ARHGAP24: variants seen among roughly 807,000 people sequenced by gnomAD.
ARHGAP24 encodes Rho GTPase activating protein 24.
ARHGAP24 carries 50 observed loss-of-function variants against 76.4 expected under a neutral mutation model. The ratio of observed to expected loss-of-function variants is 0.65; its 90% confidence interval spans 0.52 to 0.83. The LOEUF is 0.83. Among genes scored for constraint, ARHGAP24 ranks in the 40% least tolerant of loss-of-function variants. ARHGAP24 has a pLI of 0.00. For missense variants in ARHGAP24, 930 were observed against 914.2 expected, an observed-to-expected ratio of 1.02 and a Z score of -0.22; for synonymous variants, 345 against 323.3, an observed-to-expected ratio of 1.07 and a Z score of -0.72.
chr4:85,817,927 A>G (rs1231184909), intron 3 of ARHGAP24, among the ~76,000 whole-genome samples: 1 of 152,226 alleles, frequency 6.6e-6, no homozygotes, highest in South Asian at 2.1e-4. Flanking sequence ...ACCACTTACT[A>G]GAAGATACTG....
chr4:85,984,581 G>A (rs1377270393), intron 8 of ARHGAP24, among the ~76,000 whole-genome samples: 1 of 152,082 alleles, frequency 6.6e-6, no homozygotes, highest in Non-Finnish European at 1.5e-5. Flanking sequence ...TATGAATCTT[G>A]TTGGGGACAC....
chr4:85,790,014 T>A (rs1007987142), intron 3 of ARHGAP24, among the ~76,000 whole-genome samples: 1 of 152,046 alleles, frequency 6.6e-6, no homozygotes, highest in African/African-American at 2.4e-5. Flanking sequence ...TACATTACAA[T>A]TTTTTTTATT....
At chr4:85,996,431 T>C (rs1375514846) in intron 9 of ARHGAP24, among the ~76,000 whole-genome samples, 1 of 152,200 alleles carries the variant, frequency 6.6e-6, no homozygotes, top group Non-Finnish European at 1.5e-5. Flanking sequence ...GCTCCTCTAG[T>C]GTTCTCAGTC....
chr4:85,626,941 A>G (rs1720976356), intron 2 of ARHGAP24, among the ~76,000 whole-genome samples: 2 of 151,914 alleles, frequency 1.3e-5, no homozygotes, highest in South Asian at 2.1e-4. Context: ...TCCTTTATGG[A>G]CTTCTCTGCA....
At chr4:85,882,139 A>T (rs1280102168) in intron 3 of ARHGAP24, among the ~76,000 whole-genome samples, 1 of 144,534 alleles carries the variant, frequency 6.9e-6, no homozygotes, top group East Asian at 2.1e-4. Flanking sequence ...TTCCAACTCT[A>T]TGGTTGGGTT....
chr4:85,831,667 C>G (rs1475532510), intron 3 of ARHGAP24, among the ~76,000 whole-genome samples: 3 of 152,006 alleles, frequency 2.0e-5, no homozygotes, highest in Non-Finnish European at 2.9e-5. Flanking sequence ...TTTGGGAGGC[C>G]AGGGTGGGAG....
intron 5 of ARHGAP24, among the ~76,000 whole-genome samples, chr4:85,961,843 G>A (rs1217659257): frequency 2.0e-5 from 3 of 151,916 alleles, no homozygotes; most frequent in Non-Finnish European, 2.9e-5. Context: ...TGAAAACACC[G>A]ATAATACTTC....
Position 85,644,308 on chromosome 4 carries a change from A to G in ARHGAP24, c.180+73587A>G, listed in dbSNP as rs78984143. Among the ~76,000 whole-genome samples, 1,065 of 152,288 alleles carry G rather than the reference A, an allele frequency of 7.0e-3. 14 individuals are homozygous for G. The highest frequency in any genetic ancestry group is 0.024 in the African/African-American group (1,015 of 41,584). The stretch of plus-strand genomic sequence containing the variant: ...ACTTGGAGGGAGGCAGCTTTGTTTC[A>G]TGAAAAGAACATCACATTGGTTTTA... On this transcript the variant is annotated intron_variant, in intron 2 of 9. Coordinates refer to ENST00000395184, the MANE Select transcript of ARHGAP24 (RefSeq NM_001025616.3).
Position 85,671,619 on chromosome 4 carries a change from A to G in ARHGAP24, c.181-50266A>G, listed in dbSNP as rs144618455. ...TTGGAGCTATGAGCACAGGCCTTCC[A>G]TTTCTGTTAAGAATATGCTTCTTTT... On this transcript the variant is annotated intron_variant, in intron 2 of 9. Transcript: ENST00000395184. Among the ~76,000 whole-genome samples the G allele has an allele frequency of 1.5e-3, 224 of 152,286 alleles. 1 individual carries two copies. Among genetic ancestry groups the G allele is most frequent in the African/African-American group, 4.9e-3 (205 of 41,560 alleles).
intron 3 of ARHGAP24, among the ~76,000 whole-genome samples, chr4:85,837,513 C>G (rs10018270): frequency 0.011 from 1,679 of 151,654 alleles, 29 homozygotes; most frequent in African/African-American, 0.038. Context: ...GAAGACAAAT[C>G]GAAAGAGAAA....
intron 8 of ARHGAP24, among the ~76,000 whole-genome samples, chr4:85,992,979 G>T (rs963046377): frequency 6.6e-6 from 1 of 151,946 alleles, no homozygotes; most frequent in Admixed American, 6.6e-5. Flanking sequence ...ACTAAATATT[G>T]CATTTCACCT....
chr4:85,624,363 G>A (rs927524664), intron 2 of ARHGAP24, among the ~76,000 whole-genome samples: 2 of 151,978 alleles, frequency 1.3e-5, no homozygotes, highest in Non-Finnish European at 2.9e-5. Context: ...TTTATCTTTG[G>A]TTCTGTTTAT....
intron 3 of ARHGAP24, among the ~76,000 whole-genome samples, chr4:85,773,003 C>T (rs17010842): frequency 0.065 from 9,958 of 152,184 alleles, 1,089 homozygotes; most frequent in African/African-American, 0.23. Flanking sequence ...GCCTCAGTTT[C>T]CTCGTCTGCA....
chr4:85,997,282 A>ATAGGTAGG (rs745600115), intron 9 of ARHGAP24, among the ~76,000 whole-genome samples: 2 of 151,630 alleles, frequency 1.3e-5, no homozygotes, highest in Non-Finnish European at 2.9e-5. Context: ...AGGTAGGTAA[A>ATAGGTAGG]TAGGTAGGTA....
At chr4:85,872,257 G>A (rs72970062) in intron 3 of ARHGAP24, among the ~76,000 whole-genome samples, 3,979 of 151,308 alleles carry the variant, frequency 0.026, 158 homozygotes, top group African/African-American at 0.085. Flanking sequence ...ATCAATCAAC[G>A]CGTTGATATA....
At chr4:85,910,392 G>C (rs371819029) in intron 3 of ARHGAP24, among the ~76,000 whole-genome samples, 1 of 152,128 alleles carries the variant, frequency 6.6e-6, no homozygotes, top group Admixed American at 6.5e-5. Flanking sequence ...CTTGTCCTGC[G>C]ACCAAGAACT....
chr4:85,846,489 A>G (rs1730892853), intron 3 of ARHGAP24, among the ~76,000 whole-genome samples: 1 of 152,228 alleles, frequency 6.6e-6, no homozygotes, highest in Admixed American at 6.5e-5. Flanking sequence ...TACAGCATAA[A>G]TAACCCACTA....
intron 4 of ARHGAP24, among the ~76,000 whole-genome samples, chr4:85,935,277 C>T (rs1736567331): frequency 6.6e-6 from 1 of 152,154 alleles, no homozygotes; most frequent in African/African-American, 2.4e-5. Flanking sequence ...AGAAGGTAAA[C>T]AAACAGGTTG....
rs548763386 is a variant in ARHGAP24, at chr4:85,563,730, G to A, written c.-20-6792G>A. Among the ~76,000 whole-genome samples, 22 of 152,328 alleles carry A rather than the reference G, an allele frequency of 1.4e-4. No individual in the cohort carries two copies. The South Asian group carries it at 4.6e-3, about 32-fold the overall frequency. On this transcript the variant is annotated intron_variant, in intron 1 of 9. Coordinates refer to ENST00000395184, the MANE Select transcript of ARHGAP24 (RefSeq NM_001025616.3). ...AAGGATGGCATTCATTGCATCCAGG[G>A]AAAATCTAGATGGAGTTGGAAAATG...
Sources: allele counts gnomAD v4.1 joint callset (sites outside exome capture counted in the v4.1 genomes callset), GRCh38; gene constraint gnomAD v4.1.1; transcripts MANE v1.5; gene names NCBI Gene and HGNC (gene_info 2026-07-23, HGNC 2026-07-21).